Variants in CCDC201 observed in about 807,000 individuals in gnomAD.
CCDC201 encodes coiled-coil domain containing 201, also known as coiled-coil domain-containing protein 201.
upstream of CCDC201, among the ~76,000 whole-genome samples, chr7:45,877,266 A>G (rs762377549): frequency 1.3e-5 from 2 of 152,106 alleles, no homozygotes; most frequent in African/African-American, 2.4e-5. Flanking sequence ...TTTCCATTGA[A>G]TATATTTTTG....
In CCDC201 at chr7:45,865,419, A is replaced by G. The variant is rs540073864; in HGVS notation, c.477+617T>C. The stretch of plus-strand genomic sequence containing the variant: ...GTGAAGGTGGGACATCCCTGTCACA[A>G]TGGTCCATGGAAAGACACCAGAGCC... On this transcript the variant is annotated intron_variant, in intron 2 of 2. Transcript: ENST00000636578. Among the ~76,000 whole-genome samples, 6 of 152,324 alleles carry G rather than the reference A, an allele frequency of 3.9e-5. No individual in the cohort carries two copies. In the East Asian group the frequency reaches 5.8e-4, roughly 15 times the overall value.
At chr7:45,873,012 C>T (rs1786758963) in exon 1 of CCDC201, 1 of 152,658 alleles carries the variant, frequency 6.6e-6, no homozygotes, top group Non-Finnish European at 1.5e-5. Context: ...CTCCATCCTG[C>T]TTTGCCTCTG....
chr7:45,875,724 G>A (rs187195568), upstream of CCDC201, among the ~76,000 whole-genome samples: 8 of 152,326 alleles, frequency 5.3e-5, no homozygotes, highest in South Asian at 6.2e-4. Flanking sequence ...GTGAAGCAGC[G>A]GGGGCTGCTT....
upstream of CCDC201, among the ~76,000 whole-genome samples, chr7:45,876,394 G>A (rs1786808449): frequency 6.6e-6 from 1 of 152,112 alleles, no homozygotes; most frequent in African/African-American, 2.4e-5. Flanking sequence ...GAAAACTGAG[G>A]CACAGAGCTA....
At chr7:45,885,067 G>A in the CCDC201 span, among the ~76,000 whole-genome samples, 1 of 152,222 alleles carries the variant, frequency 6.6e-6, no homozygotes, top group Non-Finnish European at 1.5e-5. Flanking sequence ...TCAGGATAGA[G>A]TCCTGCAAGA....
At chr7:45,868,007 A>G (rs767384471) in intron 1 of CCDC201, among the ~76,000 whole-genome samples, 2 of 152,258 alleles carry the variant, frequency 1.3e-5, no homozygotes, top group Non-Finnish European at 2.9e-5. Context: ...CTGGGTAACA[A>G]ATACACCAAA....
intron 2 of CCDC201, among the ~76,000 whole-genome samples, chr7:45,864,189 G>A (rs1786637832): frequency 6.6e-6 from 1 of 152,188 alleles, no homozygotes; most frequent in South Asian, 2.1e-4. Flanking sequence ...TGGACTCCCA[G>A]AAACTCAGTT....
exon 3 of CCDC201, chr7:45,860,319 ACTT>A (rs1168212131): frequency 6.6e-6 from 1 of 152,130 alleles, no homozygotes; most frequent in Non-Finnish European, 1.5e-5. Flanking sequence ...GGCTATTTTC[ACTT>A]CTTTTGTGGA....
upstream of CCDC201, among the ~76,000 whole-genome samples, chr7:45,874,055 G>T (rs1189615833): frequency 6.6e-6 from 1 of 151,850 alleles, no homozygotes; most frequent in Non-Finnish European, 1.5e-5. Context: ...AAGTAGCTGG[G>T]ACTACAGGTG....
At chr7:45,883,316 T>C in the CCDC201 span, among the ~76,000 whole-genome samples, 6 of 152,140 alleles carry the variant, frequency 3.9e-5, no homozygotes, top group African/African-American at 9.7e-5. Flanking sequence ...AGTACGTAGA[T>C]AGGCATTTAT....
At chr7:45,874,770 G>A (rs1393167855), upstream of CCDC201, among the ~76,000 whole-genome samples, 2 of 152,336 alleles carry the variant, frequency 1.3e-5, no homozygotes, top group African/African-American at 4.8e-5. Flanking sequence ...TTCAAGTGCT[G>A]AGAGTGGCTC....
chr7:45,878,036 C>T (rs1024441907), upstream of CCDC201, among the ~76,000 whole-genome samples: 1 of 152,200 alleles, frequency 6.6e-6, no homozygotes, highest in African/African-American at 2.4e-5. Flanking sequence ...CTTCAGGCCC[C>T]ATGCAAGTCT....
intron 2 of CCDC201, among the ~76,000 whole-genome samples, chr7:45,863,677 G>A (rs1163045787): frequency 6.6e-6 from 1 of 152,186 alleles, no homozygotes; most frequent in East Asian, 1.9e-4. Context: ...ACGATGCCAG[G>A]ATGGAGTAGA....
At chr7:45,881,529 T>A in the CCDC201 span, among the ~76,000 whole-genome samples, 33 of 152,074 alleles carry the variant, frequency 2.2e-4, no homozygotes, top group Non-Finnish European at 4.0e-4. Flanking sequence ...GCCTTTCTAC[T>A]CATCTAGGTA....
chr7:45,874,738 C>T (rs946489508), upstream of CCDC201, among the ~76,000 whole-genome samples: 4 of 152,242 alleles, frequency 2.6e-5, no homozygotes, highest in Non-Finnish European at 4.4e-5. Flanking sequence ...CAGAGCAACA[C>T]AGCCGGGTGA....
At chr7:45,883,848 T>C in the CCDC201 span, among the ~76,000 whole-genome samples, 1 of 152,154 alleles carries the variant, frequency 6.6e-6, no homozygotes, top group African/African-American at 2.4e-5. Context: ...CTCTGCCTCC[T>C]TCATGGCTGA....
chr7:45,881,472 C>T, the CCDC201 span, among the ~76,000 whole-genome samples: 3 of 152,148 alleles, frequency 2.0e-5, no homozygotes, highest in South Asian at 2.1e-4. Flanking sequence ...GTGTGGGATG[C>T]GCCCCCAGAG....
intron 1 of CCDC201, among the ~76,000 whole-genome samples, chr7:45,871,816 C>T (rs1291570718): frequency 6.6e-6 from 1 of 152,130 alleles, no homozygotes; most frequent in African/African-American, 2.4e-5. Context: ...AAATGCAGAT[C>T]AAAATGAAAC....
chr7:45,863,892 C>T (rs1319216014), intron 2 of CCDC201, among the ~76,000 whole-genome samples: 1 of 152,170 alleles, frequency 6.6e-6, no homozygotes, highest in Non-Finnish European at 1.5e-5. Context: ...AGCAGAAGGC[C>T]TGAGCCAGAG....
Sources: allele counts gnomAD v4.1 joint callset (sites outside exome capture counted in the v4.1 genomes callset), GRCh38; gene constraint gnomAD v4.1.1; transcripts MANE v1.5; gene names NCBI Gene and HGNC (gene_info 2026-07-23, HGNC 2026-07-21).